The following FILIP1L variants were observed in gnomAD, a reference collection of about 807,000 sequenced individuals.
The protein encoded by FILIP1L is filamin A interacting protein 1 like, also known as filamin A-interacting protein 1-like.
FILIP1L carries 55 observed loss-of-function variants against 96.6 expected under a neutral mutation model. The observed-to-expected ratio is 0.57, with a 90% CI of 0.46 to 0.71. FILIP1L has a LOEUF of 0.71. Among genes scored for constraint, FILIP1L ranks in the 30% least tolerant of loss-of-function variants. The pLI is 0.00. For synonymous variants in FILIP1L, 467 were observed against 473.9 expected (o/e 0.99, Z 0.19); for missense variants, 1,304 against 1,321.2 (o/e 0.99, Z 0.20).
At chr3:100,111,684 C>A (rs1234198778) in intron 1 of FILIP1L, among the ~76,000 whole-genome samples, 1 of 152,158 alleles carries the variant, frequency 6.6e-6, no homozygotes, top group African/African-American at 2.4e-5. Flanking sequence ...TTCTAAGAGG[C>A]TATAATACAA....
intron 1 of FILIP1L, among the ~76,000 whole-genome samples, chr3:100,009,458 G>A (rs1276119099): frequency 1.3e-5 from 2 of 152,140 alleles, no homozygotes; most frequent in Non-Finnish European, 2.9e-5. Flanking sequence ...CTAGAGGGCT[G>A]GGGTGACTGT....
chr3:100,055,147 C>T (rs2065443200), intron 1 of FILIP1L, among the ~76,000 whole-genome samples: 1 of 152,174 alleles, frequency 6.6e-6, no homozygotes, highest in South Asian at 2.1e-4. Context: ...CTCAGCAGCT[C>T]CTATCCCAAT....
intron 4 of FILIP1L, among the ~76,000 whole-genome samples, chr3:99,857,659 A>T (rs958273622): frequency 6.6e-6 from 1 of 152,216 alleles, no homozygotes; most frequent in Admixed American, 6.5e-5. Flanking sequence ...TGCTTGGTCC[A>T]TAGAAATAAA....
intron 1 of FILIP1L, among the ~76,000 whole-genome samples, chr3:100,081,759 A>G (rs1576033516): frequency 6.6e-6 from 1 of 152,086 alleles, no homozygotes; most frequent in Non-Finnish European, 1.5e-5. Context: ...TTTATTATCA[A>G]TGTCTTTTCT....
chr3:99,951,065 G>T (rs1708162804), intron 1 of FILIP1L, among the ~76,000 whole-genome samples: 1 of 152,158 alleles, frequency 6.6e-6, no homozygotes, highest in Admixed American at 6.5e-5. Context: ...CACCTAACGT[G>T]CTGGCCTTGA....
At chr3:99,962,046 G>A (rs1708509344) in intron 1 of FILIP1L, among the ~76,000 whole-genome samples, 1 of 152,098 alleles carries the variant, frequency 6.6e-6, no homozygotes, top group African/African-American at 2.4e-5. Context: ...TTTTTCTGCA[G>A]GACACACCAC....
chr3:100,055,597 C>T (rs1404743693), intron 1 of FILIP1L, among the ~76,000 whole-genome samples: 1 of 152,072 alleles, frequency 6.6e-6, no homozygotes, highest in East Asian at 1.9e-4. Flanking sequence ...ATATAAATTA[C>T]CCATTGCTAT....
intron 1 of FILIP1L, among the ~76,000 whole-genome samples, chr3:100,031,530 C>T (rs1407156287): frequency 3.9e-5 from 6 of 152,052 alleles, no homozygotes; most frequent in Non-Finnish European, 5.9e-5. Context: ...AGCCACGTTA[C>T]AGAACTAGAA....
intron 1 of FILIP1L, among the ~76,000 whole-genome samples, chr3:99,944,490 C>T (rs1174383602): frequency 1.3e-5 from 2 of 152,228 alleles, no homozygotes; most frequent in Non-Finnish European, 2.9e-5. Context: ...AATTTACTGT[C>T]TGCAGGCACA....
chr3:99,927,349 A>T lies in FILIP1L; in HGVS notation c.426+2507T>A, dbSNP rs1707325670. ...TTATTATAGTGCCTTGGTAAATCCA[A>T]AATGTTGTTATATTTTCTTTCTGTT... is the stretch of plus-strand genomic sequence containing the variant. On this transcript the variant is annotated intron_variant, in intron 3 of 5. Coordinates refer to ENST00000477258, the MANE Select transcript of FILIP1L (RefSeq NM_001387850.1). Among the ~76,000 whole-genome samples the T allele has an allele frequency of 2.0e-5, 3 of 151,998 alleles. No individual in the cohort carries two copies. In the South Asian group the frequency reaches 6.2e-4, roughly 31 times the overall value.
chr3:100,048,894 C>T lies in FILIP1L; in HGVS notation c.-11+65159G>A, dbSNP rs117033060. On this transcript the variant is annotated intron_variant, in intron 1 of 5. Transcript: ENST00000477258. The stretch of plus-strand genomic sequence containing the variant: ...TTGATATGATGGCCTAGACTGATTG[C>T]TTAAATATGGACTTGGACAGTTATG... Among the ~76,000 whole-genome samples the T allele has an allele frequency of 5.5e-3, 836 of 152,264 alleles. 3 individuals are homozygous for T. Among genetic ancestry groups the T allele is most frequent in the East Asian group, 0.022 (114 of 5,180 alleles).
At chr3:99,920,888 G>A (rs1707104231) in intron 4 of FILIP1L, among the ~76,000 whole-genome samples, 1 of 152,140 alleles carries the variant, frequency 6.6e-6, no homozygotes, top group Non-Finnish European at 1.5e-5. Flanking sequence ...CTTAATTTTT[G>A]TTTTATTTCC....
At chr3:100,065,790 A>G (rs778166787) in intron 1 of FILIP1L, among the ~76,000 whole-genome samples, 4 of 152,192 alleles carry the variant, frequency 2.6e-5, no homozygotes, top group Non-Finnish European at 5.9e-5. Context: ...ATAAAACGTT[A>G]TATTTCAATA....
intron 1 of FILIP1L, among the ~76,000 whole-genome samples, chr3:100,054,490 T>TTGTTTTGTTA: frequency 6.8e-6 from 1 of 146,186 alleles, no homozygotes; most frequent in East Asian, 2.0e-4. Flanking sequence ...ATGTTATGTT[T>TTGTTTTGTTA]TGTTATGTTA....
intron 4 of FILIP1L, among the ~76,000 whole-genome samples, chr3:99,879,708 A>G (rs922836848): frequency 1.3e-5 from 2 of 152,176 alleles, no homozygotes; most frequent in Admixed American, 6.5e-5. Context: ...TTGAGCTATG[A>G]GATGGTAATG....
intron 1 of FILIP1L, among the ~76,000 whole-genome samples, chr3:100,002,647 A>G (rs924029366): frequency 6.6e-6 from 1 of 152,212 alleles, no homozygotes; most frequent in South Asian, 2.1e-4. Context: ...ATTGACCTCA[A>G]TTTTTAATGA....
intron 4 of FILIP1L, among the ~76,000 whole-genome samples, chr3:99,882,835 A>G (rs1235161515): frequency 6.6e-6 from 1 of 152,230 alleles, no homozygotes; most frequent in African/African-American, 2.4e-5. Context: ...TACTTTATGG[A>G]TTAGAAATGT....
intron 4 of FILIP1L, among the ~76,000 whole-genome samples, chr3:99,859,877 G>C (rs1011437124): frequency 1.3e-5 from 2 of 152,134 alleles, no homozygotes; most frequent in African/African-American, 4.8e-5. Flanking sequence ...CATAAAAATA[G>C]CTGTGACCCG....
chr3:99,981,925 C>T (rs879851624), intron 1 of FILIP1L, among the ~76,000 whole-genome samples: 9 of 152,112 alleles, frequency 5.9e-5, no homozygotes, highest in Non-Finnish European at 1.2e-4. Flanking sequence ...CAGGAATTCA[C>T]GACCAGCCTG....
Sources: gnomAD v4.1 joint callset for allele counts (sites outside exome capture counted in the v4.1 genomes callset) on GRCh38, gnomAD v4.1.1 for gene constraint, MANE v1.5 for transcripts, NCBI Gene and HGNC (gene_info 2026-07-23, HGNC 2026-07-21) for gene names.